SLCO4C1: variants seen among roughly 807,000 people sequenced by gnomAD.
SLCO4C1 encodes the protein solute carrier organic anion transporter family member 4C1.
SLCO4C1 carries 58 observed loss-of-function variants against 72.1 expected under a neutral mutation model. The observed-to-expected ratio is 0.80, with a 90% CI of 0.65 to 1.00. SLCO4C1 has a LOEUF of 1.00. SLCO4C1 is among the 50% of genes least tolerant of loss of function. The pLI, the probability that SLCO4C1 is intolerant of heterozygous loss-of-function variation, is 0.00. For missense variants in SLCO4C1, 898 were observed against 857.9 expected (o/e 1.05, Z -0.58); for synonymous variants, 297 against 312.5 (o/e 0.95, Z 0.52).
intron 2 of SLCO4C1, among the ~76,000 whole-genome samples, chr5:102,271,986 T>C (rs1749161239): frequency 6.6e-6 from 1 of 152,208 alleles, no homozygotes; most frequent in East Asian, 1.9e-4. Flanking sequence ...GCCCAGGTGA[T>C]CGCAATAAGC....
At chr5:102,261,462 A>T (rs1431810514) in intron 5 of SLCO4C1, among the ~76,000 whole-genome samples, 2 of 108,956 alleles carry the variant, frequency 1.8e-5, no homozygotes, top group East Asian at 4.2e-4. Context: ...CACATACAGT[A>T]AAAAAAAAAA....
At chr5:102,283,516 A>T (rs1203542111) in intron 2 of SLCO4C1, among the ~76,000 whole-genome samples, 1 of 151,920 alleles carries the variant, frequency 6.6e-6, no homozygotes, top group African/African-American at 2.4e-5. Context: ...CGTTTTTAAG[A>T]ATAGTGACTA....
At chr5:102,277,685 C>G (rs1749271297) in intron 2 of SLCO4C1, among the ~76,000 whole-genome samples, 1 of 152,038 alleles carries the variant, frequency 6.6e-6, no homozygotes, top group African/African-American at 2.4e-5. Context: ...ACTTCGATGC[C>G]ACTCGGCAAA....
chr5:102,248,503 C>A (rs989563602), intron 9 of SLCO4C1, among the ~76,000 whole-genome samples: 6 of 151,940 alleles, frequency 3.9e-5, no homozygotes, highest in Admixed American at 3.9e-4. Context: ...TTTAAGTATG[C>A]TCTGGGTATT....
intron 8 of SLCO4C1, among the ~76,000 whole-genome samples, chr5:102,252,818 T>C (rs558757042): frequency 1.6e-4 from 24 of 152,288 alleles, no homozygotes; most frequent in Non-Finnish European, 2.9e-4. Flanking sequence ...CGGCAGATGC[T>C]TGTGAAGTTT....
At chr5:102,240,306 T>G (rs1353021812) in intron 11 of SLCO4C1, among the ~76,000 whole-genome samples, 1 of 152,144 alleles carries the variant, frequency 6.6e-6, no homozygotes, top group African/African-American at 2.4e-5. Context: ...TACAAATTCT[T>G]TCTTCCAATA....
intron 3 of SLCO4C1, among the ~76,000 whole-genome samples, chr5:102,270,336 A>G (rs1376635214): frequency 6.6e-6 from 1 of 152,094 alleles, no homozygotes; most frequent in African/African-American, 2.4e-5. Flanking sequence ...AAGTTACCCT[A>G]AGATTCAAGC....
chr5:102,242,232 C>A (rs1326570075), intron 10 of SLCO4C1, among the ~76,000 whole-genome samples: 2 of 152,206 alleles, frequency 1.3e-5, no homozygotes, highest in African/African-American at 4.8e-5. Context: ...GGCTACAGCA[C>A]TGTGTCTCCA....
intron 3 of SLCO4C1, among the ~76,000 whole-genome samples, chr5:102,267,670 T>C (rs1357205433): frequency 6.6e-6 from 1 of 151,800 alleles, no homozygotes; most frequent in Non-Finnish European, 1.5e-5. Flanking sequence ...GGTTTGTTTG[T>C]TCTTGCTTTT....
intron 10 of SLCO4C1, among the ~76,000 whole-genome samples, chr5:102,241,105 T>C (rs1461328456): frequency 6.6e-6 from 1 of 151,700 alleles, no homozygotes; most frequent in Non-Finnish European, 1.5e-5. Flanking sequence ...ATAGAAGGAG[T>C]GTACCTCAAT....
At chr5:102,261,823 G>A (rs1050846720) in intron 5 of SLCO4C1, 89 bp downstream of exon 5, 3 of 1,289,976 alleles carry the variant, frequency 2.3e-6, no homozygotes, top group Non-Finnish European at 3.1e-6. Flanking sequence ...GAAACAGGGT[G>A]AATCTATAGT....
intron 8 of SLCO4C1, among the ~76,000 whole-genome samples, chr5:102,252,052 G>A (rs77271298): frequency 2.8e-4 from 42 of 151,146 alleles, no homozygotes; most frequent in African/African-American, 9.5e-4. Flanking sequence ...AGGGAGAAAA[G>A]CGAGAAGGAA....
rs373638294 is a variant in SLCO4C1, at chr5:102,236,582, G to A, written c.*276C>T. On this transcript the variant is annotated 3_prime_UTR_variant, in exon 13 of 13. Transcript: ENST00000310954. ...ATAGGAAATAAGTGTGTATGTGTGC[G>A]TGTGTGTGTGTGTGTGTGTGTTCGT... is the stretch of plus-strand genomic sequence containing the variant. 0.039 allele frequency: 1,880 copies of A among 48,612 alleles called. 42 individuals are homozygous for A. The highest frequency in any genetic ancestry group is 0.21 in the African/African-American group (1,780 of 8,296). The allele number at this position is 48,612 out of a possible 1,614,324, so 3.0% of individuals were successfully genotyped here.
At position 102,296,228 on chromosome 5, in the gene SLCO4C1, AAAGCC is replaced by A; in HGVS notation, c.30_34del (p.Leu10PhefsTer27). On this transcript the variant is annotated frameshift_variant, in exon 1 of 13. Transcript: ENST00000310954. LOFTEE classifies it high-confidence loss of function. ...CAGGATGTCTGGGCTGGAGGGGACA[AAAGCC>A]AAGTTCTCAATACCTTTGGCGCTCT... 6.4e-7 allele frequency: 1 copy of A among 1,570,550 alleles called. No homozygotes were observed. The highest frequency in any genetic ancestry group is 8.6e-7 in the Non-Finnish European group (1 of 1,160,102).
intron 2 of SLCO4C1, among the ~76,000 whole-genome samples, chr5:102,289,041 C>T (rs1749504992): frequency 6.6e-6 from 1 of 152,162 alleles, no homozygotes; most frequent in Non-Finnish European, 1.5e-5. Flanking sequence ...AACAGGAGGG[C>T]AAGCTGAGTT....
chr5:102,292,510 T>C (rs755441682), intron 1 of SLCO4C1, among the ~76,000 whole-genome samples: 1 of 152,202 alleles, frequency 6.6e-6, no homozygotes, highest in African/African-American at 2.4e-5. Flanking sequence ...GAAGAAGAAA[T>C]TGAGCTCTCA....
In SLCO4C1 at chr5:102,240,395, C is replaced by T. The variant is rs114366588; in HGVS notation, c.1876+323G>A. ...ATCATTTTTAATTGCTAGTGTAACA[C>T]AATAGTGTCACGAATAGAGACAAAA... On this transcript the variant is annotated intron_variant, in intron 11 of 12. Coordinates refer to ENST00000310954, the MANE Select transcript of SLCO4C1 (RefSeq NM_180991.5). 6.6e-3 allele frequency among the ~76,000 whole-genome samples: 1,009 copies of T among 152,006 alleles called. 11 individuals are homozygous for T. Among genetic ancestry groups the T allele is most frequent in the African/African-American group, 0.022 (904 of 41,478 alleles).
rs1364535448 is a variant in SLCO4C1, at chr5:102,257,116, C to T, written c.1468G>A (p.Gly490Arg). 1.0e-5 allele frequency: 16 copies of T among 1,565,348 alleles called. No homozygotes were observed. Among genetic ancestry groups the T allele is most frequent in the African/African-American group, 2.8e-5 (2 of 72,208 alleles). Residue 490 changes from glycine to arginine, a missense_variant and splice_region_variant, in exon 8 of 13, where the codon GGG (glycine) becomes AGG (arginine). Gly to Arg is a moderately radical substitution (Grantham distance 125). Transcript: ENST00000310954. The stretch of plus-strand genomic sequence containing the variant: ...CAAAAAGCACTGAATTGTATTTACC[C>T]ATTATATGATTCAGATACACCAGCA... ...PFAGVSESYNGTGELGNLIAP... is the reference protein window; with the variant it reads ...PFAGVSESYNRTGELGNLIAP...
chr5:102,270,870 T>C, intron 2 of SLCO4C1, 64 bp from the exon 3 acceptor site: 2 of 1,241,698 alleles, frequency 1.6e-6, no homozygotes, highest in Middle Eastern at 2.2e-4. Context: ...TTCTATCATA[T>C]AAATTACACT....
Sources: gnomAD v4.1 joint callset for allele counts (sites outside exome capture counted in the v4.1 genomes callset) on GRCh38, gnomAD v4.1.1 for gene constraint, MANE v1.5 for transcripts, NCBI Gene and HGNC (gene_info 2026-07-23, HGNC 2026-07-21) for gene names.